DNM2: variants seen among roughly 807,000 people sequenced by gnomAD.
The protein encoded by DNM2 is dynamin-2.
A neutral mutation model predicts 99.0 loss-of-function variants in DNM2; 15 were observed. The observed-to-expected ratio is 0.15, with a 90% CI of 0.10 to 0.23. DNM2 has a LOEUF of 0.23. Among genes scored for constraint, DNM2 ranks in the 10% least tolerant of loss-of-function variants. The probability of loss-of-function intolerance (pLI) is 1.00; values close to 1 mark genes in which losing one functional copy is unlikely to be tolerated. For synonymous variants in DNM2, 525 were observed against 481.2 expected (o/e 1.09, Z -1.19); for missense variants, 742 against 1,189.4 (o/e 0.62, Z 5.53).
At chr19:10,747,837 T>A (rs944245526) in intron 1 of DNM2, among the ~76,000 whole-genome samples, 3 of 150,918 alleles carry the variant, frequency 2.0e-5, no homozygotes, top group Non-Finnish European at 4.4e-5. Flanking sequence ...CGGGTTGATG[T>A]GTGAAAGAAG....
At chr19:10,810,693 G>C (rs1226489016) in intron 14 of DNM2, 3 of 152,286 alleles carry the variant, frequency 2.0e-5, no homozygotes, top group Non-Finnish European at 4.4e-5. Context: ...CTAGGAGTAT[G>C]GAGGCCTCAC....
intron 2 of DNM2, among the ~76,000 whole-genome samples, chr19:10,771,722 C>G (rs2070987228): frequency 6.6e-6 from 1 of 152,178 alleles, no homozygotes; most frequent in African/African-American, 2.4e-5. Context: ...GACTCACCCT[C>G]TCTGGGTGAT....
In DNM2 at chr19:10,796,975, C is replaced by T. The variant is rs1015791922; in HGVS notation, c.1197-405C>T. Among the ~76,000 whole-genome samples, 8 of 152,100 alleles carry T rather than the reference C, an allele frequency of 5.3e-5. No individual in the cohort carries two copies. Among genetic ancestry groups the T allele is most frequent in the African/African-American group, 1.9e-4 (8 of 41,432 alleles). ...GTTGCCAGGGAATTTCTGCTTGAGC[C>T]CCTCTGTTCTTAGTCTGGAAAAGCC... On this transcript the variant is annotated intron_variant, in intron 9 of 20. Coordinates refer to ENST00000389253, the MANE Select transcript of DNM2 (RefSeq NM_001005361.3). The surrounding 1 kb of genome is among the most constrained non-coding windows in gnomAD (Gnocchi z 5.6).
At position 10,718,226 on chromosome 19, in the gene DNM2, C is replaced by A; in HGVS notation, c.-17C>A. 1.4e-6 allele frequency: 2 copies of A among 1,462,902 alleles called. No individual in the cohort carries two copies. The highest frequency in any genetic ancestry group is 9.1e-7 in the Non-Finnish European group (1 of 1,104,754). The allele number at this position is 1,462,902 out of a possible 1,614,324, so 90.6% of individuals were successfully genotyped here. ...GGCGAGGAGCGCAGGGCGCTCGGGC[C>A]GGGGGCCGCCGGCGCCATGGGCAAC... On this transcript the variant is annotated 5_prime_UTR_variant, in exon 1 of 21. Transcript: ENST00000389253.
At chr19:10,801,908 G>GAA (rs34959391) in intron 11 of DNM2, among the ~76,000 whole-genome samples, 9 of 101,046 alleles carry the variant, frequency 8.9e-5, no homozygotes, top group African/African-American at 1.6e-4. Flanking sequence ...CCGTCTCGAA[G>GAA]AAAAAAAAAA....
intron 1 of DNM2, among the ~76,000 whole-genome samples, chr19:10,724,861 C>G (rs569322258): frequency 9.8e-5 from 15 of 152,334 alleles, no homozygotes; most frequent in African/African-American, 3.1e-4. Flanking sequence ...TAAGAAGCAG[C>G]TGTGCCGGGG....
At chr19:10,802,402 C>T (rs2072184725) in intron 12 of DNM2, 44 bp downstream of exon 12, 1 of 1,598,006 alleles carries the variant, frequency 6.3e-7, no homozygotes, top group Non-Finnish European at 8.6e-7. Flanking sequence ...CACCAATCCT[C>T]ACTCTCAGAT....
In DNM2 at chr19:10,820,954, T is replaced by G. The variant is rs1020490509; in HGVS notation, c.1781+865T>G. Among the ~76,000 whole-genome samples the G allele has an allele frequency of 6.6e-6, 1 of 152,094 alleles. No homozygotes were observed. The highest frequency in any genetic ancestry group is 1.5e-5 in the Non-Finnish European group (1 of 68,024). Reference sequence around the variant, plus strand: ...GAAGAAACCCAGCTGGCAGGAGGGCTCTTCCCATGCTCACACAATCACGCT... The same window carrying G: ...GAAGAAACCCAGCTGGCAGGAGGGCGCTTCCCATGCTCACACAATCACGCT... On this transcript the variant is annotated intron_variant, in intron 16 of 20. Transcript: ENST00000389253. The surrounding 1 kb of genome is among the most constrained non-coding windows in gnomAD (Gnocchi z 4.3).
At chr19:10,745,101 C>T (rs1399252238) in intron 1 of DNM2, among the ~76,000 whole-genome samples, 1 of 152,158 alleles carries the variant, frequency 6.6e-6, no homozygotes, top group Non-Finnish European at 1.5e-5. Flanking sequence ...CCTCACATGA[C>T]CTCAAGCCTG....
chr19:10,760,191 G>A (rs898890490), intron 2 of DNM2, among the ~76,000 whole-genome samples: 1 of 149,854 alleles, frequency 6.7e-6, no homozygotes, highest in East Asian at 1.9e-4. Context: ...GACCCTCCAT[G>A]GCCAGCTTTT....
intron 3 of DNM2, among the ~76,000 whole-genome samples, chr19:10,773,070 C>T (rs994003604): frequency 6.6e-6 from 1 of 150,596 alleles, no homozygotes; most frequent in Non-Finnish European, 1.5e-5. Context: ...ACCTCCACCT[C>T]CCAGGTTCAA....
chr19:10,786,403 G>A, intron 6 of DNM2, 161 bp from the exon 7 acceptor site: 1 of 1,180,002 alleles, frequency 8.5e-7, no homozygotes, highest in South Asian at 1.3e-5. Context: ...ACATGAGTGT[G>A]TCTGTGGCTT....
intron 14 of DNM2, chr19:10,809,650 C>G (rs763343200): frequency 2.0e-5 from 3 of 152,372 alleles, no homozygotes; most frequent in Non-Finnish European, 4.4e-5. Context: ...GGCCTCAGCC[C>G]GGCTCTTACA....
intron 6 of DNM2, among the ~76,000 whole-genome samples, chr19:10,784,169 C>G (rs1475186293): frequency 1.3e-5 from 2 of 152,150 alleles, no homozygotes; most frequent in African/African-American, 4.8e-5. Flanking sequence ...CAGCAGTCAT[C>G]TTTTCATGCA....
intron 7 of DNM2, among the ~76,000 whole-genome samples, chr19:10,792,371 T>G (rs1281288771): frequency 4.9e-4 from 74 of 152,118 alleles, no homozygotes; most frequent in Non-Finnish European, 7.4e-5. Flanking sequence ...TCATGATTTT[T>G]GGGAGGGAAA....
At chr19:10,720,156 G>T (rs931187394) in intron 1 of DNM2, among the ~76,000 whole-genome samples, 2 of 151,894 alleles carry the variant, frequency 1.3e-5, no homozygotes, top group African/African-American at 4.8e-5. Context: ...GGTTGTCTTG[G>T]CCTCTCTAAG....
intron 14 of DNM2, chr19:10,809,232 T>C (rs2072456015): frequency 6.6e-6 from 1 of 152,330 alleles, no homozygotes; most frequent in Non-Finnish European, 1.5e-5. Flanking sequence ...TCTCTATGCA[T>C]GGCAGGCATG....
rs76537550 is a variant in DNM2, at chr19:10,750,866, A to G, written c.162-8872A>G. Among the ~76,000 whole-genome samples, 407 of 151,666 alleles carry G rather than the reference A, an allele frequency of 2.7e-3. 1 individual carries two copies. The highest frequency in any genetic ancestry group is 4.4e-3 in the Non-Finnish European group (301 of 67,910). ...GAGTAAGCTGAGATTGCGCCACTAC[A>G]CTCCAGCCTGGGTGACAAAGCAAGA... is the stretch of plus-strand genomic sequence containing the variant. On this transcript the variant is annotated intron_variant, in intron 1 of 20. Transcript: ENST00000389253.
At position 10,831,063 on chromosome 19, in the gene DNM2, T is replaced by C; in HGVS notation, c.*16T>C. 6.3e-7 allele frequency: 1 copy of C among 1,591,644 alleles called. No individual in the cohort carries two copies. The highest frequency in any genetic ancestry group is 1.1e-5 in the South Asian group (1 of 87,952). On this transcript the variant is annotated 3_prime_UTR_variant, in exon 21 of 21. Transcript: ENST00000389253. The surrounding 1 kb of genome is among the most constrained non-coding windows in gnomAD (Gnocchi z 4.3). ...GCTCGACTAGGCCTCGAGGGGGGCG[T>C]GCTCTCGGGGGGGCCTCACGCACCC...
Sources: gnomAD v4.1 joint callset for allele counts (sites outside exome capture counted in the v4.1 genomes callset) on GRCh38, gnomAD v4.1.1 for gene constraint, Gnocchi (gnomAD v3.1) non-coding constraint, MANE v1.5 for transcripts, NCBI Gene and HGNC (gene_info 2026-07-23, HGNC 2026-07-21) for gene names.